The following IMPG2 variants were observed in gnomAD, a reference collection of about 807,000 sequenced individuals.
The protein encoded by IMPG2 is IPM 200.
IMPG2 carries 91 observed loss-of-function variants against 129.2 expected under a neutral mutation model. The observed-to-expected ratio is 0.70, with a 90% CI of 0.59 to 0.84. The LOEUF is 0.84. Among genes scored for constraint, IMPG2 ranks in the 40% least tolerant of loss-of-function variants. The pLI, the probability that IMPG2 is intolerant of heterozygous loss-of-function variation, is 0.00. For missense variants in IMPG2, 1,430 were observed against 1,461.7 expected, an observed-to-expected ratio of 0.98 and a Z score of 0.35; for synonymous variants, 510 against 517.7, an observed-to-expected ratio of 0.99 and a Z score of 0.20.
chr3:101,252,075 C>A (rs1706550034), intron 11 of IMPG2, among the ~76,000 whole-genome samples: 1 of 152,084 alleles, frequency 6.6e-6, no homozygotes, highest in African/African-American at 2.4e-5. Context: ...GAAAGCACTG[C>A]AACGTAAATG....
intron 14 of IMPG2, among the ~76,000 whole-genome samples, chr3:101,242,091 C>T (rs1706414997): frequency 6.6e-6 from 1 of 151,284 alleles, no homozygotes; most frequent in South Asian, 2.1e-4. Flanking sequence ...ATAAAGCTTA[C>T]ATTTATGGAG....
intron 5 of IMPG2, among the ~76,000 whole-genome samples, chr3:101,276,376 C>T (rs1172143935): frequency 1.3e-5 from 2 of 152,076 alleles, no homozygotes; most frequent in East Asian, 3.9e-4. Context: ...TTAGTGGTGG[C>T]TACAGAGTGT....
intron 4 of IMPG2, among the ~76,000 whole-genome samples, chr3:101,285,587 A>G (rs1481773596): frequency 6.6e-6 from 1 of 152,196 alleles, no homozygotes; most frequent in Non-Finnish European, 1.5e-5. Flanking sequence ...ACTCACAGCC[A>G]GGCCACATGG....
chr3:101,261,289 G>A (rs1706667290), intron 9 of IMPG2, among the ~76,000 whole-genome samples: 1 of 152,136 alleles, frequency 6.6e-6, no homozygotes, highest in Non-Finnish European at 1.5e-5. Flanking sequence ...AAAGAAAAAG[G>A]AGGAGGAGGA....
At chr3:101,265,672 T>G (rs1310862374) in intron 9 of IMPG2, among the ~76,000 whole-genome samples, 1 of 151,992 alleles carries the variant, frequency 6.6e-6, no homozygotes, top group African/African-American at 2.4e-5. Flanking sequence ...CTCAGAGGCA[T>G]GGGCAACAAA....
chr3:101,298,327 C>G (rs1707102695), intron 3 of IMPG2, among the ~76,000 whole-genome samples: 1 of 151,980 alleles, frequency 6.6e-6, no homozygotes, highest in Admixed American at 6.6e-5. Flanking sequence ...TACAGGACAC[C>G]AGTGAGTCTT....
Position 101,304,256 on chromosome 3 carries a change from G to T in IMPG2, c.391C>A (p.Arg131Ser). Residue 131 changes from arginine (R) to serine (S), a missense_variant, in exon 3 of 19, where the codon CGT becomes AGT. Arg to Ser is a moderately radical substitution (Grantham distance 110). Transcript: ENST00000193391. ...TTCATCCAGTAATGATATTCCTCAC[G>T]CCCAGGAAGTCGATCCCAAAAAGTC... ...FRTFWDRLPG[R>S]EEYHYWMNLC... 6.2e-7 allele frequency: 1 copy of T among 1,613,670 alleles called. No homozygotes were observed. Among genetic ancestry groups the T allele is most frequent in the Non-Finnish European group, 8.5e-7 (1 of 1,179,698 alleles).
intron 10 of IMPG2, among the ~76,000 whole-genome samples, chr3:101,256,582 T>C (rs1706612725): frequency 6.6e-6 from 1 of 152,116 alleles, no homozygotes; most frequent in African/African-American, 2.4e-5. Flanking sequence ...GTTTATTTAT[T>C]TGTTACACAC....
intron 9 of IMPG2, 145 bp downstream of exon 9, chr3:101,267,366 T>C (rs182813853): frequency 1.1e-5 from 8 of 731,484 alleles, no homozygotes; most frequent in Admixed American, 7.3e-5. Context: ...ATAGAAAAGT[T>C]TGACAAACCC....
chr3:101,263,947 T>G (rs1706696324), intron 9 of IMPG2, among the ~76,000 whole-genome samples: 1 of 150,998 alleles, frequency 6.6e-6, no homozygotes, highest in South Asian at 2.1e-4. Flanking sequence ...AAAGGATAAT[T>G]TAGAGACTAC....
chr3:101,232,709 T>C (rs754077215), intron 15 of IMPG2, 72 bp downstream of exon 15: 12 of 1,279,090 alleles, frequency 9.4e-6, no homozygotes, highest in South Asian at 4.9e-5. Context: ...CCTAAAATTA[T>C]AGGTGCAGGC....
At chr3:101,252,289 T>C (rs1328980904) in intron 11 of IMPG2, among the ~76,000 whole-genome samples, 2 of 152,176 alleles carry the variant, frequency 1.3e-5, no homozygotes, top group Non-Finnish European at 2.9e-5. Context: ...GCTGCGTGTC[T>C]ATAGTTGGAT....
chr3:101,237,416 G>C (rs1196985062), intron 14 of IMPG2, among the ~76,000 whole-genome samples: 1 of 152,182 alleles, frequency 6.6e-6, no homozygotes, highest in Non-Finnish European at 1.5e-5. Context: ...TATGTCTCCT[G>C]ACTGGGGGAC....
intron 3 of IMPG2, among the ~76,000 whole-genome samples, chr3:101,300,533 A>G (rs145538660): frequency 5.8e-4 from 89 of 152,350 alleles, no homozygotes; most frequent in Admixed American, 8.5e-4. Flanking sequence ...TGGGCTCCCA[A>G]GTGAGATCTT....
At chr3:101,233,062 T>C (rs957455232) in intron 14 of IMPG2, 71 bp from the exon 15 acceptor site, 1 of 1,408,496 alleles carries the variant, frequency 7.1e-7, no homozygotes, top group Non-Finnish European at 1.0e-6. Flanking sequence ...AAGCCCTTCA[T>C]TAAAGTTCTC....
intron 3 of IMPG2, 61 bp downstream of exon 3, chr3:101,304,085 C>G: frequency 6.3e-7 from 1 of 1,575,220 alleles, no homozygotes; most frequent in South Asian, 1.1e-5. Context: ...TCCTTTAGGC[C>G]TTAGCTGTGT....
At chr3:101,318,819 C>T (rs775099522) in intron 2 of IMPG2, among the ~76,000 whole-genome samples, 58 of 152,050 alleles carry the variant, frequency 3.8e-4, no homozygotes, top group Admixed American at 5.9e-4. Context: ...AAGGGACATA[C>T]TAAGGTCAAT....
At chr3:101,245,725 C>G in intron 12 of IMPG2, 77 bp downstream of exon 12, 1 of 1,328,240 alleles carries the variant, frequency 7.5e-7, no homozygotes, top group East Asian at 2.3e-5. Flanking sequence ...TTTTTCATAG[C>G]CATAGTCTCT....
At chr3:101,246,609 C>T (rs1220685538) in intron 11 of IMPG2, among the ~76,000 whole-genome samples, 1 of 152,154 alleles carries the variant, frequency 6.6e-6, no homozygotes, top group Non-Finnish European at 1.5e-5. Context: ...AAAATGTAGT[C>T]TGGTTACCTC....
Sources: gnomAD v4.1 joint callset for allele counts (sites outside exome capture counted in the v4.1 genomes callset) on GRCh38, gnomAD v4.1.1 for gene constraint, MANE v1.5 for transcripts, NCBI Gene and HGNC (gene_info 2026-07-23, HGNC 2026-07-21) for gene names.